The following DZANK1 variants were observed in gnomAD, a reference collection of about 807,000 sequenced individuals.
DZANK1 encodes double zinc ribbon and ankyrin repeat domains 1.
DZANK1 carries 91 observed loss-of-function variants against 94.5 expected under a neutral mutation model. The observed-to-expected ratio is 0.96, with a 90% CI of 0.81 to 1.15. The LOEUF is 1.15. DZANK1 is among the 50% of genes most tolerant of loss of function. The pLI is 0.00. For missense variants in DZANK1, 903 were observed against 916.4 expected (o/e 0.99, Z 0.19); for synonymous variants, 312 against 325.3 (o/e 0.96, Z 0.44).
rs753256410 is a variant in DZANK1, at chr20:18,465,310, GC to G, written c.48del (p.Pro17LeufsTer18). The G allele has an allele frequency of 6.2e-7, 1 of 1,611,464 alleles. No homozygotes were observed. The highest frequency in any genetic ancestry group is 1.1e-5 in the South Asian group (1 of 90,656). On this transcript the variant is annotated frameshift_variant, in exon 2 of 21. Transcript: ENST00000262547. LOFTEE classifies it high-confidence loss of function. ...TCATGGTTAGCTTTTCCAGGCTGAG[GC>G]ACTCGTAATGGTATGATCTGAGGGA...
intron 16 of DZANK1, among the ~76,000 whole-genome samples, chr20:18,394,050 C>T (rs992965069): frequency 1.3e-5 from 2 of 152,102 alleles, no homozygotes; most frequent in African/African-American, 2.4e-5. Context: ...AAAGTGCACC[C>T]CACAAATGAA....
At position 18,465,378 on chromosome 20, in the gene DZANK1, C is replaced by A. The variant is rs74875927; in HGVS notation, c.-19-1G>T. Reference sequence around the variant, plus strand: ...AGTCATTTTCTCTCTCTCTCTCTCTCTCTATATATATATACATATAAATTC... The same window carrying A: ...AGTCATTTTCTCTCTCTCTCTCTCTATCTATATATATATACATATAAATTC... On this transcript the variant is annotated splice_acceptor_variant, in intron 1 of 20. Transcript: ENST00000262547. LOFTEE classifies it low-confidence loss of function (5UTR_SPLICE). 122,688 of 1,193,486 alleles carry A rather than the reference C, an allele frequency of 0.1. 4,915 individuals carry two copies. The highest frequency in any genetic ancestry group is 0.17 in the African/African-American group (10,239 of 61,188). The allele number at this position is 1,193,486 out of a possible 1,614,324, so 73.9% of individuals were successfully genotyped here. A position where few individuals can be genotyped will look rare whatever the true frequency, so the allele number is the denominator to read the frequency against.
chr20:18,385,502 G>T (rs1471194700), intron 19 of DZANK1, among the ~76,000 whole-genome samples: 1 of 148,484 alleles, frequency 6.7e-6, no homozygotes, highest in Non-Finnish European at 1.5e-5. Context: ...TGCAACCTCC[G>T]ACTCCCAGGT....
chr20:18,444,352 A>G (rs1478949186), intron 7 of DZANK1, among the ~76,000 whole-genome samples: 2 of 152,246 alleles, frequency 1.3e-5, no homozygotes, highest in African/African-American at 2.4e-5. Flanking sequence ...AAGCTCATGA[A>G]GTGTAATCTG....
At chr20:18,447,417 G>T (rs1260790514) in intron 7 of DZANK1, among the ~76,000 whole-genome samples, 3 of 152,176 alleles carry the variant, frequency 2.0e-5, no homozygotes, top group African/African-American at 7.2e-5. Context: ...CGCCTCCCGG[G>T]TTCAAGCGAT....
At chr20:18,417,034 C>CAAAAAAAAAAAAAAAAAAAA (rs55889297) in intron 10 of DZANK1, among the ~76,000 whole-genome samples, 9 of 139,860 alleles carry the variant, frequency 6.4e-5, no homozygotes, top group African/African-American at 1.3e-4. Flanking sequence ...CAAAAAAAAA[C>CAAAAAAAAAAAAAAAAAAAA]AAAAAAAAAA....
At chr20:18,463,477 C>G (rs559085704) in intron 2 of DZANK1, among the ~76,000 whole-genome samples, 1 of 149,976 alleles carries the variant, frequency 6.7e-6, no homozygotes, top group East Asian at 2.0e-4. Flanking sequence ...ACATGTACCC[C>G]CAAGCCTAAA....
chr20:18,463,130 A>T (rs1176642296), intron 2 of DZANK1, among the ~76,000 whole-genome samples: 1 of 152,178 alleles, frequency 6.6e-6, no homozygotes, highest in Non-Finnish European at 1.5e-5. Flanking sequence ...CCAATGGTGA[A>T]ATGGACAAAG....
intron 15 of DZANK1, 109 bp from the exon 16 acceptor site, chr20:18,394,459 T>G: frequency 9.5e-7 from 1 of 1,054,158 alleles, no homozygotes; most frequent in Non-Finnish European, 1.4e-6. Flanking sequence ...CAGCTCTACC[T>G]ACCCAGAGAG....
chr20:18,449,133 TG>T, intron 6 of DZANK1, 64 bp from the exon 7 acceptor site: 1 of 1,347,068 alleles, frequency 7.4e-7, no homozygotes, highest in Non-Finnish European at 1.1e-6. Context: ...GTAAAGGCTA[TG>T]GTATAGTAAA....
chr20:18,445,922 T>G (rs1325950679), intron 7 of DZANK1, among the ~76,000 whole-genome samples: 1 of 151,708 alleles, frequency 6.6e-6, no homozygotes, highest in African/African-American at 2.4e-5. Flanking sequence ...CATGCCTAAT[T>G]TTTTTTTGGT....
At position 18,454,389 on chromosome 20, in the gene DZANK1, AG is replaced by A. The variant is rs141529017; in HGVS notation, c.379-563del. The A allele has an allele frequency of 4.2e-4, 85 of 203,142 alleles. 1 individual carries two copies. Among genetic ancestry groups the A allele is most frequent in the Non-Finnish European group, 7.2e-4 (71 of 98,458 alleles). 12.6% of individuals were successfully genotyped at this position (203,142 alleles called of 1,614,324 possible). A position where few individuals can be genotyped will look rare whatever the true frequency, so the allele number is the denominator to read the frequency against. On this transcript the variant is annotated intron_variant, in intron 4 of 20. Transcript: ENST00000262547. ...GCCTGCATCTACCAACCTCCTCTCTAGCATCAGGTTCATGGTCAAGCTTAAG... is the reference window on the plus strand; with the variant it reads ...GCCTGCATCTACCAACCTCCTCTCTACATCAGGTTCATGGTCAAGCTTAAG...
chr20:18,394,966 C>A, intron 15 of DZANK1: 1 of 437,854 alleles, frequency 2.3e-6, no homozygotes, highest in South Asian at 1.6e-5. Context: ...CTGTGTGCAC[C>A]CGGACTGATC....
chr20:18,390,794 A>T (rs1413836610), intron 17 of DZANK1, among the ~76,000 whole-genome samples: 1 of 152,234 alleles, frequency 6.6e-6, no homozygotes, highest in Non-Finnish European at 1.5e-5. Flanking sequence ...GGTGAATCCT[A>T]AAATTTATTT....
At chr20:18,397,285 G>A (rs564539519) in intron 14 of DZANK1, among the ~76,000 whole-genome samples, 36 of 152,312 alleles carry the variant, frequency 2.4e-4, no homozygotes, top group African/African-American at 7.2e-4. Context: ...AAATGAGATC[G>A]TCTTGATGTT....
At position 18,389,687 on chromosome 20, in the gene DZANK1, T is replaced by C. The variant is rs1218769498; in HGVS notation, c.2018+14A>G. ...GCTGCTACCTTAGCTCTCCTTTCAATGTGTTTCACTTACGGCCCCCACTGC... is the reference window on the plus strand; with the variant it reads ...GCTGCTACCTTAGCTCTCCTTTCAACGTGTTTCACTTACGGCCCCCACTGC... On this transcript the variant is annotated intron_variant, in intron 19 of 20. Coordinates refer to ENST00000262547, the Ensembl canonical transcript of DZANK1. 6.2e-7 allele frequency: 1 copy of C among 1,613,530 alleles called. No individual in the cohort carries two copies. Among genetic ancestry groups the C allele is most frequent in the Admixed American group, 1.7e-5 (1 of 60,012 alleles).
rs539640138 is a variant in DZANK1, at chr20:18,418,671, A to G, written c.955-3222T>C. On this transcript the variant is annotated intron_variant, in intron 10 of 20. Transcript: ENST00000262547. Reference sequence around the variant, plus strand: ...GGGAATGTGCTGCCTGGAACAAACTATAACTAGTGCTTCACACACAAAATT... The same window carrying G: ...GGGAATGTGCTGCCTGGAACAAACTGTAACTAGTGCTTCACACACAAAATT... Among the ~76,000 whole-genome samples, 3 of 152,336 alleles carry G rather than the reference A, an allele frequency of 2.0e-5. No homozygotes were observed. In the South Asian group the frequency reaches 6.2e-4, roughly 32 times the overall value.
At chr20:18,410,170 G>C (rs1257156898) in intron 13 of DZANK1, among the ~76,000 whole-genome samples, 2 of 151,772 alleles carry the variant, frequency 1.3e-5, no homozygotes, top group Admixed American at 6.6e-5. Flanking sequence ...ATAAATAATA[G>C]TTCTTTTTTT....
intron 19 of DZANK1, among the ~76,000 whole-genome samples, chr20:18,388,033 G>C (rs903907020): frequency 1.2e-4 from 18 of 152,188 alleles, no homozygotes; most frequent in African/African-American, 4.1e-4. Flanking sequence ...CAGAGGCTGG[G>C]CTGATCCAGG....
Sources: gnomAD v4.1 joint callset for allele counts (sites outside exome capture counted in the v4.1 genomes callset) on GRCh38, gnomAD v4.1.1 for gene constraint, MANE v1.5 for transcripts, NCBI Gene and HGNC (gene_info 2026-07-23, HGNC 2026-07-21) for gene names.